Variants in ASH1L observed in about 807,000 individuals in gnomAD.
ASH1L encodes ASH1 like histone lysine methyltransferase, also known as histone-lysine N-methyltransferase ASH1L.
In ASH1L, 23 loss-of-function variants were observed where a neutral mutation model predicts 269.0. The ratio of observed to expected loss-of-function variants is 0.09; its 90% CI spans 0.06 to 0.12. ASH1L has a LOEUF of 0.12. Among genes scored for constraint, ASH1L ranks in the 10% least tolerant of loss-of-function variants. The probability of loss-of-function intolerance (pLI) is 1.00; values close to 1 mark genes in which losing one functional copy is unlikely to be tolerated. For missense variants in ASH1L, 2,912 were observed against 3,567.8 expected (o/e 0.82, Z 4.68); for synonymous variants, 1,187 against 1,253.5 (o/e 0.95, Z 1.12).
chr1:155,342,225 T>A, intron 24 of ASH1L, 123 bp from the exon 25 acceptor site: 1 of 852,048 alleles, frequency 1.2e-6, no homozygotes, highest in Non-Finnish European at 1.9e-6. Context: ...GGTAGCTATG[T>A]AGAGAGGCAG....
chr1:155,563,040 C>A (rs1432615941), upstream of ASH1L: 3 of 458,772 alleles, frequency 6.5e-6, no homozygotes, highest in South Asian at 4.6e-5. Context: ...CTGGAATTGC[C>A]AGAATGGCGG....
intron 5 of ASH1L, among the ~76,000 whole-genome samples, chr1:155,432,191 T>C (rs1661663024): frequency 6.6e-6 from 1 of 152,192 alleles, no homozygotes; most frequent in African/African-American, 2.4e-5. Context: ...TTTCTTTCGC[T>C]TGCCTGAAAC....
At chr1:155,539,667 C>T (rs780017459) in intron 1 of ASH1L, among the ~76,000 whole-genome samples, 7 of 151,820 alleles carry the variant, frequency 4.6e-5, no homozygotes, top group African/African-American at 7.3e-5. Context: ...AGGCTGGTCT[C>T]GAACTCCTGG....
In ASH1L at chr1:155,555,910, T is replaced by C. The variant is rs1671552223; in HGVS notation, c.-100+6243A>G. Among the ~76,000 whole-genome samples, 3 of 103,410 alleles carry C rather than the reference T, an allele frequency of 2.9e-5. No individual in the cohort carries two copies. In the South Asian group the frequency reaches 1.0e-3, roughly 35 times the overall value. The allele number at this position is 103,410 out of a possible 152,430, so 67.8% of individuals were successfully genotyped here. On this transcript the variant is annotated intron_variant, in intron 1 of 27. Coordinates refer to ENST00000392403, the MANE Select transcript of ASH1L (RefSeq NM_018489.3). The stretch of plus-strand genomic sequence containing the variant: ...ATACTTAAGTATTTATGGATGAAAT[T>C]ATACAATAACTGGAAGATCTGCTTT...
chr1:155,371,315 A>G (rs1336926089), intron 10 of ASH1L, among the ~76,000 whole-genome samples: 2 of 152,124 alleles, frequency 1.3e-5, no homozygotes, highest in African/African-American at 4.8e-5. Flanking sequence ...TGGGAGGCTG[A>G]GGTGGGTGGA....
chr1:155,372,608 CTT>C (rs879896644), intron 10 of ASH1L, among the ~76,000 whole-genome samples: 3 of 143,026 alleles, frequency 2.1e-5, no homozygotes, highest in Admixed American at 7.1e-5. Flanking sequence ...TGTGCCTGGC[CTT>C]TTTTTTTTTT....
chr1:155,354,742 A>G (rs1654221951), intron 15 of ASH1L, 112 bp from the exon 16 acceptor site: 1 of 1,009,014 alleles, frequency 9.9e-7, no homozygotes, highest in African/African-American at 1.6e-5. Context: ...GAGCTGTTGT[A>G]AAGAGAATTA....
chr1:155,472,408 C>T (rs190595568), intron 3 of ASH1L, among the ~76,000 whole-genome samples: 197 of 152,330 alleles, frequency 1.3e-3, no homozygotes, highest in Non-Finnish European at 2.4e-3. Flanking sequence ...GGTTCACATC[C>T]ACCATTTTCA....
In ASH1L at chr1:155,535,965, G is replaced by A. The variant is rs541307755; in HGVS notation, c.-99-14347C>T. ...GTGAGCCGAGATCGTGCCATTGCAC[G>A]CCAGCCTGGGCAACAAGAGCAAAAC... is the stretch of plus-strand genomic sequence containing the variant. On this transcript the variant is annotated intron_variant, in intron 1 of 27. Coordinates refer to ENST00000392403, the MANE Select transcript of ASH1L (RefSeq NM_018489.3). 8.0e-5 allele frequency among the ~76,000 whole-genome samples: 12 copies of A among 150,220 alleles called. No individual in the cohort carries two copies. The East Asian group carries it at 2.4e-3, about 29-fold the overall frequency.
chr1:155,530,043 G>A (rs1669553246), intron 1 of ASH1L, among the ~76,000 whole-genome samples: 1 of 151,816 alleles, frequency 6.6e-6, no homozygotes, highest in African/African-American at 2.4e-5. Flanking sequence ...TTTACCTTGG[G>A]ACCTTTGCAC....
chr1:155,374,682 C>T (rs1656274464), intron 10 of ASH1L, among the ~76,000 whole-genome samples: 1 of 152,216 alleles, frequency 6.6e-6, no homozygotes, highest in African/African-American at 2.4e-5. Context: ...GGATTTCCCA[C>T]CTTGCCAATA....
In ASH1L at chr1:155,521,220, T is replaced by C. The variant is rs1185539752; in HGVS notation, c.300A>G (p.Pro100=). ...GLQAKRTKKP[P]KNLENYVCRP... Reference sequence around the variant, plus strand: ...GACATACATAGTTCTCCAAGTTCTTTGGAGGTTTTTTAGTTCTCTTAGCCT... The same window carrying C: ...GACATACATAGTTCTCCAAGTTCTTCGGAGGTTTTTTAGTTCTCTTAGCCT... Residue 100 remains proline, a synonymous_variant, in exon 2 of 28, where the codon CCA becomes CCG. Coordinates refer to ENST00000392403, the MANE Select transcript of ASH1L (RefSeq NM_018489.3). 6.2e-7 allele frequency: 1 copy of C among 1,614,226 alleles called. No individual in the cohort carries two copies. Among genetic ancestry groups the C allele is most frequent in the East Asian group, 2.2e-5 (1 of 44,882 alleles).
Position 155,378,284 on chromosome 1 carries a change from T to C in ASH1L, c.6329A>G (p.Asn2110Ser), listed in dbSNP as rs2148438544. 6.2e-7 allele frequency: 1 copy of C among 1,612,962 alleles called. No homozygotes were observed. Among genetic ancestry groups the C allele is most frequent in the Non-Finnish European group, 8.5e-7 (1 of 1,178,904 alleles). The change falls in exon 10 of 28, where the codon AAT becomes AGT. Residue 2110 changes from asparagine to serine, a missense_variant. Physicochemically the swap from Asn to Ser is conservative, Grantham distance 46. Transcript: ENST00000392403. ...TRKGCVDDCL[N>S]RMIFAECSPN... ...AGAAATCAAAGCATGACAGTACCTA[T>C]TGAGGCAGTCATCAACACAGCCCTT... is the stretch of plus-strand genomic sequence containing the variant.
rs542861914 is a variant in ASH1L, at chr1:155,523,631, G to A, written c.-99-2013C>T. On this transcript the variant is annotated intron_variant, in intron 1 of 27. Coordinates refer to ENST00000392403, the MANE Select transcript of ASH1L (RefSeq NM_018489.3). The stretch of plus-strand genomic sequence containing the variant: ...CATGCCTGTACTCTCAGCACCTTGC[G>A]GGGGCCAAGGCAGGTGCATCACTTG... Among the ~76,000 whole-genome samples the A allele has an allele frequency of 3.9e-5, 6 of 152,276 alleles. No individual in the cohort carries two copies. In the East Asian group the frequency reaches 5.8e-4, roughly 15 times the overall value.
intron 15 of ASH1L, among the ~76,000 whole-genome samples, chr1:155,356,460 C>T (rs975349864): frequency 1.3e-5 from 2 of 151,604 alleles, no homozygotes; most frequent in Non-Finnish European, 2.9e-5. Context: ...TGGTGAAACC[C>T]TGTCTCTACT....
intron 4 of ASH1L, among the ~76,000 whole-genome samples, chr1:155,439,906 C>G (rs993064486): frequency 6.6e-6 from 1 of 150,808 alleles, no homozygotes; most frequent in Non-Finnish European, 1.5e-5. Flanking sequence ...TCTCAAATTA[C>G]CAATAACTTT....
chr1:155,338,935 G>T (rs916079618), intron 26 of ASH1L, among the ~76,000 whole-genome samples: 1 of 152,078 alleles, frequency 6.6e-6, no homozygotes, highest in Non-Finnish European at 1.5e-5. Context: ...TACAAAATAA[G>T]CAAAAATAAA....
rs779585968 is a variant in ASH1L, at chr1:155,481,633, A to G, written c.1237T>C (p.Leu413=). 62 of 1,614,032 alleles carry G rather than the reference A, an allele frequency of 3.8e-5. No individual in the cohort carries two copies. The highest frequency in any genetic ancestry group is 5.1e-5 in the Non-Finnish European group (60 of 1,180,036). The part of the protein sequence containing the change: ...DIGKKLMSCP[L]AGLISKDAIN... ...GCATCTTTACTGATCAGACCTGCCA[A>G]AGGACAACTCATTAGTTTCTTTCCA... The change falls in exon 3 of 28, where the codon TTG becomes CTG. Residue 413 remains leucine (L), a synonymous_variant. Coordinates refer to ENST00000392403, the MANE Select transcript of ASH1L (RefSeq NM_018489.3).
At chr1:155,544,066 C>T (rs1670630212) in intron 1 of ASH1L, among the ~76,000 whole-genome samples, 1 of 151,902 alleles carries the variant, frequency 6.6e-6, no homozygotes, top group South Asian at 2.1e-4. Flanking sequence ...GCTTACTGTA[C>T]CCTCAAGCTA....
Sources: allele counts gnomAD v4.1 joint callset (sites outside exome capture counted in the v4.1 genomes callset), GRCh38; gene constraint gnomAD v4.1.1; transcripts MANE v1.5; gene names NCBI Gene and HGNC (gene_info 2026-07-23, HGNC 2026-07-21).